GMDS: variants seen among roughly 807,000 people sequenced by gnomAD.
The protein encoded by GMDS is GDP-mannose 4,6 dehydratase.
GMDS carries 20 observed loss-of-function variants against 49.9 expected under a neutral mutation model. The observed-to-expected ratio is 0.40, with a 90% confidence interval of 0.28 to 0.58. The LOEUF is 0.58. Ranked by LOEUF, GMDS falls within the 20% of genes least tolerant of loss-of-function variation. The pLI, the probability that GMDS is intolerant of heterozygous loss-of-function variation, is 0.42. For synonymous variants in GMDS, 177 were observed against 178.6 expected, an observed-to-expected ratio of 0.99 and a Z score of 0.07; for missense variants, 362 against 481.4, an observed-to-expected ratio of 0.75 and a Z score of 2.32.
At chr6:2,227,739 C>G (rs900532868) in intron 1 of GMDS, among the ~76,000 whole-genome samples, 1 of 152,260 alleles carries the variant, frequency 6.6e-6, no homozygotes, top group Middle Eastern at 3.4e-3. Context: ...ACAGAGGTCC[C>G]CTGGGTCACA....
intron 4 of GMDS, among the ~76,000 whole-genome samples, chr6:2,091,760 A>G (rs1462784917): frequency 6.6e-6 from 1 of 152,048 alleles, no homozygotes; most frequent in Non-Finnish European, 1.5e-5. Flanking sequence ...TTAATTAGCC[A>G]GGTATAGTGA....
At chr6:1,840,182 T>C (rs1757095905) in intron 7 of GMDS, among the ~76,000 whole-genome samples, 4 of 152,162 alleles carry the variant, frequency 2.6e-5, no homozygotes, top group Admixed American at 2.6e-4. Flanking sequence ...GGGCCCTCAT[T>C]AGGCAATACC....
In GMDS at chr6:1,949,000, C is replaced by G. The variant is rs375081754; in HGVS notation, c.643+10867G>C. On this transcript the variant is annotated intron_variant, in intron 6 of 10. Transcript: ENST00000380815. ...CAGCGTTCACATTTCTCACTGTCCTCTTATGCCAGTAGCCACAGCAATCCC... is the reference window on the plus strand; with the variant it reads ...CAGCGTTCACATTTCTCACTGTCCTGTTATGCCAGTAGCCACAGCAATCCC... 13 of 816,766 alleles carry G rather than the reference C, an allele frequency of 1.6e-5. No homozygotes were observed. In the East Asian group the frequency reaches 5.0e-4, roughly 31 times the overall value. 50.6% of individuals were successfully genotyped at this position (816,766 alleles called of 1,614,324 possible). A position where few individuals can be genotyped will look rare whatever the true frequency, so the allele number is the denominator to read the frequency against.
At chr6:1,785,614 G>A (rs1316436323) in intron 7 of GMDS, among the ~76,000 whole-genome samples, 1 of 152,182 alleles carries the variant, frequency 6.6e-6, no homozygotes, top group Non-Finnish European at 1.5e-5. Flanking sequence ...AAGTCAGGTG[G>A]GGCAGTGTTG....
chr6:2,010,360 A>C (rs865791027), intron 4 of GMDS, among the ~76,000 whole-genome samples: 26 of 151,806 alleles, frequency 1.7e-4, no homozygotes, highest in Middle Eastern at 3.4e-3. Flanking sequence ...AAAAAAAAAA[A>C]CACATAGCAC....
At chr6:1,633,803 G>C (rs985182390) in intron 9 of GMDS, among the ~76,000 whole-genome samples, 4 of 152,166 alleles carry the variant, frequency 2.6e-5, no homozygotes, top group Non-Finnish European at 4.4e-5. Flanking sequence ...GGCCTCCCGG[G>C]TGGTTTCTGC....
chr6:1,664,960 T>C (rs1050548783), intron 9 of GMDS, among the ~76,000 whole-genome samples: 1 of 152,244 alleles, frequency 6.6e-6, no homozygotes, highest in Admixed American at 6.5e-5. Flanking sequence ...TGAATACAGA[T>C]AGACTTCTGC....
chr6:2,132,502 G>T (rs973362080), intron 1 of GMDS, among the ~76,000 whole-genome samples: 5 of 152,150 alleles, frequency 3.3e-5, no homozygotes, highest in Non-Finnish European at 5.9e-5. Context: ...CCACCCACAT[G>T]TGGACAGCAT....
chr6:2,239,251 C>T (rs1781503158), intron 1 of GMDS, among the ~76,000 whole-genome samples: 1 of 151,704 alleles, frequency 6.6e-6, no homozygotes, highest in African/African-American at 2.4e-5. Flanking sequence ...ATCACTTGAA[C>T]CCAGGACACG....
At chr6:1,841,749 A>G (rs1757160916) in intron 7 of GMDS, among the ~76,000 whole-genome samples, 1 of 152,178 alleles carries the variant, frequency 6.6e-6, no homozygotes, top group South Asian at 2.1e-4. Flanking sequence ...AGACACAGAT[A>G]GGAAGGGAGG....
intron 7 of GMDS, among the ~76,000 whole-genome samples, chr6:1,756,063 A>G (rs1017750350): frequency 2.0e-5 from 3 of 152,250 alleles, no homozygotes; most frequent in African/African-American, 7.2e-5. Context: ...CAAATGTAAA[A>G]GAAAACAACA....
At chr6:2,112,226 TATATC>T (rs1234815644) in intron 4 of GMDS, among the ~76,000 whole-genome samples, 1 of 152,238 alleles carries the variant, frequency 6.6e-6, no homozygotes, top group Non-Finnish European at 1.5e-5. Flanking sequence ...GATACAAACA[TATATC>T]ATATTCGCTT....
At chr6:1,855,873 G>GCA (rs1396620727) in intron 7 of GMDS, among the ~76,000 whole-genome samples, 2 of 152,146 alleles carry the variant, frequency 1.3e-5, no homozygotes, top group Non-Finnish European at 2.9e-5. Flanking sequence ...CTACTACAAT[G>GCA]CACACACACA....
chr6:2,110,201 C>T (rs564795732), intron 4 of GMDS, among the ~76,000 whole-genome samples: 5 of 151,964 alleles, frequency 3.3e-5, no homozygotes, highest in South Asian at 4.2e-4. Context: ...GCCCTTCCCC[C>T]CCATAATGCA....
chr6:2,143,425 C>G (rs1455595888), intron 1 of GMDS, among the ~76,000 whole-genome samples: 1 of 152,220 alleles, frequency 6.6e-6, no homozygotes, highest in Non-Finnish European at 1.5e-5. Flanking sequence ...TGGGCAGTGT[C>G]CATGGTCTTC....
At chr6:1,794,955 G>A (rs948329477) in intron 7 of GMDS, among the ~76,000 whole-genome samples, 1 of 152,194 alleles carries the variant, frequency 6.6e-6, no homozygotes, top group Non-Finnish European at 1.5e-5. Context: ...GGAGGCTGAG[G>A]TGGGGTGGGT....
At chr6:1,684,221 C>T (rs1366090339) in intron 9 of GMDS, among the ~76,000 whole-genome samples, 7 of 152,148 alleles carry the variant, frequency 4.6e-5, no homozygotes, top group African/African-American at 1.7e-4. Context: ...TATGGAAACA[C>T]CAGGATGTGG....
chr6:1,928,009 A>T (rs1457606931), intron 7 of GMDS, among the ~76,000 whole-genome samples: 2 of 152,226 alleles, frequency 1.3e-5, no homozygotes, highest in Non-Finnish European at 2.9e-5. Context: ...CGTGCAAAAT[A>T]ATAAAATTGA....
At chr6:1,678,928 C>T (rs1764702751) in intron 9 of GMDS, among the ~76,000 whole-genome samples, 1 of 152,152 alleles carries the variant, frequency 6.6e-6, no homozygotes, top group African/African-American at 2.4e-5. Flanking sequence ...TAAACAAGTA[C>T]CTGCCATAGC....
Sources: gnomAD v4.1 joint callset for allele counts (sites outside exome capture counted in the v4.1 genomes callset) on GRCh38, gnomAD v4.1.1 for gene constraint, MANE v1.5 for transcripts, NCBI Gene and HGNC (gene_info 2026-07-23, HGNC 2026-07-21) for gene names.